Variants in GRHL2 observed in about 807,000 individuals in gnomAD.
The protein encoded by GRHL2 is grainyhead-like protein 2 homolog.
In GRHL2, 21 loss-of-function variants were observed where a neutral mutation model predicts 83.8. That is an observed-to-expected ratio of 0.25 (90% confidence interval 0.18 to 0.36). The LOEUF (loss-of-function observed/expected upper bound fraction) is 0.36. Ranked by LOEUF, GRHL2 falls within the 10% of genes least tolerant of loss-of-function variation. GRHL2 has a pLI of 1.00. For missense variants in GRHL2, 623 were observed against 781.8 expected, an observed-to-expected ratio of 0.80 and a Z score of 2.42; for synonymous variants, 280 against 278.9, an observed-to-expected ratio of 1.00 and a Z score of -0.04.
chr8:101,593,346 C>T (rs1190911460), intron 7 of GRHL2, among the ~76,000 whole-genome samples: 5 of 152,124 alleles, frequency 3.3e-5, no homozygotes, highest in African/African-American at 9.7e-5. Context: ...CACTCATCCT[C>T]GCCAGGTAGA....
At chr8:101,564,089 G>A (rs1208723755) in intron 4 of GRHL2, among the ~76,000 whole-genome samples, 1 of 152,170 alleles carries the variant, frequency 6.6e-6, no homozygotes, top group Non-Finnish European at 1.5e-5. Context: ...AAGTAGATGA[G>A]AAAGTAAAGA....
At chr8:101,596,439 T>C (rs529849229) in intron 7 of GRHL2, among the ~76,000 whole-genome samples, 2 of 152,278 alleles carry the variant, frequency 1.3e-5, no homozygotes, top group Admixed American at 1.3e-4. Context: ...GAATATATAT[T>C]AACGAAATAT....
intron 1 of GRHL2, among the ~76,000 whole-genome samples, chr8:101,504,851 G>A (rs58559194): frequency 6.6e-6 from 1 of 151,908 alleles, no homozygotes; most frequent in African/African-American, 2.4e-5. Context: ...TGTCGCCAAC[G>A]TGAACTTCTT....
chr8:101,496,166 T>C (rs200269805), intron 1 of GRHL2, among the ~76,000 whole-genome samples: 1 of 113,976 alleles, frequency 8.8e-6, no homozygotes, highest in African/African-American at 2.9e-5. Flanking sequence ...AAAAAAAAAA[T>C]ACAGGTCATG....
chr8:101,626,845 G>A (rs75819569), intron 9 of GRHL2, among the ~76,000 whole-genome samples: 199 of 152,120 alleles, frequency 1.3e-3, no homozygotes, highest in African/African-American at 4.3e-3. Flanking sequence ...TGGAATACTC[G>A]GAAGGTCTTG....
At chr8:101,620,942 T>C (rs79054205) in intron 9 of GRHL2, among the ~76,000 whole-genome samples, 1,662 of 149,632 alleles carry the variant, frequency 0.011, 56 homozygotes, top group South Asian at 0.094. Flanking sequence ...AAAAAAAAAA[T>C]TATCGGAGTA....
chr8:101,563,062 G>C (rs1052042979), intron 4 of GRHL2, among the ~76,000 whole-genome samples: 3 of 152,144 alleles, frequency 2.0e-5, no homozygotes, highest in African/African-American at 7.2e-5. Context: ...ATCATTCTAA[G>C]GATATATAAG....
chr8:101,568,570 C>A (rs1811762148), intron 4 of GRHL2, among the ~76,000 whole-genome samples: 1 of 151,974 alleles, frequency 6.6e-6, no homozygotes, highest in Non-Finnish European at 1.5e-5. Flanking sequence ...CATATATAGC[C>A]ATTTTCTGTA....
chr8:101,666,012 G>A (rs1400700996), intron 15 of GRHL2, among the ~76,000 whole-genome samples: 2 of 152,208 alleles, frequency 1.3e-5, no homozygotes, highest in Admixed American at 6.6e-5. Context: ...TCAGCCATGT[G>A]CTAACTGAAT....
chr8:101,497,988 CA>C (rs1810142667), intron 1 of GRHL2, among the ~76,000 whole-genome samples: 1 of 152,172 alleles, frequency 6.6e-6, no homozygotes, highest in East Asian at 1.9e-4. Flanking sequence ...TCCAGAGCTG[CA>C]AAAGAACTGA....
At chr8:101,559,785 G>A (rs910187291) in intron 4 of GRHL2, among the ~76,000 whole-genome samples, 3 of 152,072 alleles carry the variant, frequency 2.0e-5, no homozygotes, top group Non-Finnish European at 2.9e-5. Context: ...TCAGAATCTA[G>A]GTATAGAAAG....
Position 101,556,853 on chromosome 8 carries a change from T to C in GRHL2, c.285-1566T>C, listed in dbSNP as rs576375194. ...GTCCTTCAAATTACCATGTTTGTCCTAGTCCTTCAAATTACCATGTTTGTC... is the reference window on the plus strand; with the variant it reads ...GTCCTTCAAATTACCATGTTTGTCCCAGTCCTTCAAATTACCATGTTTGTC... On this transcript the variant is annotated intron_variant, in intron 3 of 15. Coordinates refer to ENST00000646743, the MANE Select transcript of GRHL2 (RefSeq NM_024915.4). 7.3e-4 allele frequency among the ~76,000 whole-genome samples: 111 copies of C among 152,354 alleles called. 1 individual carries two copies. The highest frequency in any genetic ancestry group is 2.6e-3 in the African/African-American group (108 of 41,586).
At chr8:101,525,714 A>C (rs1810789964) in intron 1 of GRHL2, among the ~76,000 whole-genome samples, 1 of 152,146 alleles carries the variant, frequency 6.6e-6, no homozygotes, top group South Asian at 2.1e-4. Flanking sequence ...CATGCCTGTA[A>C]TCCCAGCAGT....
intron 7 of GRHL2, among the ~76,000 whole-genome samples, chr8:101,583,357 C>A (rs1812095688): frequency 6.6e-6 from 1 of 152,200 alleles, no homozygotes; most frequent in African/African-American, 2.4e-5. Flanking sequence ...GAGTGAGAGA[C>A]AAACTGTCAA....
the GRHL2 span, among the ~76,000 whole-genome samples, chr8:101,677,412 C>T: frequency 2.6e-5 from 4 of 151,634 alleles, no homozygotes; most frequent in Middle Eastern, 3.2e-3. Flanking sequence ...CTAATAACCC[C>T]GACCATCTCC....
chr8:101,516,410 C>CTTT (rs33990862), intron 1 of GRHL2, among the ~76,000 whole-genome samples: 15 of 86,000 alleles, frequency 1.7e-4, no homozygotes, highest in Non-Finnish European at 2.7e-4. Flanking sequence ...ACCTCTTTTC[C>CTTT]TTTTTTTTTT....
chr8:101,593,159 T>C (rs1812322384), intron 7 of GRHL2, among the ~76,000 whole-genome samples: 1 of 152,192 alleles, frequency 6.6e-6, no homozygotes, highest in Non-Finnish European at 1.5e-5. Context: ...TTGGCCAGGC[T>C]GGTCTTGAAC....
In GRHL2 at chr8:101,644,242, G is replaced by A. The variant is rs77186832; in HGVS notation, c.1612+17G>A. Reference sequence around the variant, plus strand: ...CAAAGCGAGGTATCTCTCCTGCTGGGGCATGCCCTCTCAGAAGGGATGCGG... The same window carrying A: ...CAAAGCGAGGTATCTCTCCTGCTGGAGCATGCCCTCTCAGAAGGGATGCGG... On this transcript the variant is annotated intron_variant, in intron 13 of 15. Transcript: ENST00000646743. 16,727 of 1,600,556 alleles carry A rather than the reference G, an allele frequency of 0.01. 601 individuals are homozygous for A. Among genetic ancestry groups the A allele is most frequent in the East Asian group, 0.082 (3,664 of 44,672 alleles).
chr8:101,534,242 TA>T (rs1272690155), intron 1 of GRHL2, among the ~76,000 whole-genome samples: 1 of 152,140 alleles, frequency 6.6e-6, no homozygotes, highest in African/African-American at 2.4e-5. Context: ...CAGGGTTTCA[TA>T]AAGTGGCAGT....
Sources: allele counts gnomAD v4.1 joint callset (sites outside exome capture counted in the v4.1 genomes callset), GRCh38; gene constraint gnomAD v4.1.1; transcripts MANE v1.5; gene names NCBI Gene and HGNC (gene_info 2026-07-23, HGNC 2026-07-21).